LYST: variants seen among roughly 807,000 people sequenced by gnomAD.
LYST encodes lysosomal trafficking regulator.
LYST carries 192 observed loss-of-function variants against 413.6 expected under a neutral mutation model. The observed-to-expected ratio is 0.46, with a 90% CI of 0.41 to 0.52. The LOEUF (loss-of-function observed/expected upper bound fraction) is 0.52, where lower values mean the gene tolerates loss of function less well. Ranked by LOEUF, LYST falls within the 20% of genes least tolerant of loss-of-function variation. LYST has a pLI of 0.00. For missense variants in LYST, 3,815 were observed against 4,499.9 expected (o/e 0.85, Z 4.35); for synonymous variants, 1,525 against 1,567.3 (o/e 0.97, Z 0.64).
chr1:235,838,361 G>A (rs767173), intron 1 of LYST, among the ~76,000 whole-genome samples: 9,423 of 152,088 alleles, frequency 0.062, 976 homozygotes, highest in African/African-American at 0.22. Flanking sequence ...ATAGAATGGT[G>A]GACTGTCAAA....
chr1:235,861,539 T>C (rs1377867584), intron 1 of LYST, among the ~76,000 whole-genome samples: 1 of 152,202 alleles, frequency 6.6e-6, no homozygotes, highest in Non-Finnish European at 1.5e-5. Flanking sequence ...ATCTGACAGA[T>C]TTTTATACAT....
chr1:235,774,616 T>G (rs1358933987), intron 18 of LYST, among the ~76,000 whole-genome samples: 1 of 152,126 alleles, frequency 6.6e-6, no homozygotes, highest in African/African-American at 2.4e-5. Context: ...AAAGATCTCA[T>G]CAATCTACAG....
chr1:235,739,677 A>G (rs1021979822), intron 31 of LYST, among the ~76,000 whole-genome samples: 2 of 152,170 alleles, frequency 1.3e-5, no homozygotes, highest in Non-Finnish European at 2.9e-5. Flanking sequence ...TCCCTATAGT[A>G]AAGTCAGAGC....
At chr1:235,838,149 G>A (rs148659211) in intron 1 of LYST, among the ~76,000 whole-genome samples, 198 of 152,212 alleles carry the variant, frequency 1.3e-3, no homozygotes, top group Non-Finnish European at 2.3e-3. Context: ...CTATTTTCTT[G>A]GTGCAATAAA....
chr1:235,712,220 C>G, intron 42 of LYST, 23 bp from the exon 43 acceptor site: 2 of 1,525,308 alleles, frequency 1.3e-6, no homozygotes, highest in Non-Finnish European at 1.8e-6. Flanking sequence ...ACAAATAATA[C>G]GATTAAGACA....
intron 39 of LYST, among the ~76,000 whole-genome samples, chr1:235,722,847 G>A (rs1227955599): frequency 6.6e-6 from 1 of 152,168 alleles, no homozygotes; most frequent in Non-Finnish European, 1.5e-5. Flanking sequence ...CACAATTTTG[G>A]AGGTCAAAAA....
rs1669970987 is a variant in LYST at position 235,782,459 on chromosome 1, C to T, written c.4863-372G>A. On this transcript the variant is annotated intron_variant, in intron 14 of 52. Transcript: ENST00000389793. ...AAGTGCTGGGATTACAGGTGTGAGC[C>T]ACCACACCCGGCCTACAATGGGGAA... 2.0e-5 allele frequency among the ~76,000 whole-genome samples: 3 copies of T among 152,004 alleles called. No homozygotes were observed. The South Asian group carries it at 6.2e-4, about 31-fold the overall frequency.
chr1:235,882,340 G>A (rs1379838049), intron 1 of LYST, among the ~76,000 whole-genome samples: 1 of 152,244 alleles, frequency 6.6e-6, no homozygotes, highest in Non-Finnish European at 1.5e-5. Flanking sequence ...AGGTGATGAA[G>A]CTGCAATGGC....
chr1:235,744,325 T>C (rs570726373), intron 29 of LYST, among the ~76,000 whole-genome samples, 168 bp from the exon 30 acceptor site: 8 of 152,262 alleles, frequency 5.3e-5, no homozygotes, highest in South Asian at 4.1e-4. Context: ...TAGTAGAAAG[T>C]GAATTTACGT....
At chr1:235,831,048 T>C (rs1463332385) in intron 2 of LYST, among the ~76,000 whole-genome samples, 1 of 152,028 alleles carries the variant, frequency 6.6e-6, no homozygotes, top group Non-Finnish European at 1.5e-5. Flanking sequence ...CAGAGGAAAA[T>C]GTACAAATTT....
chr1:235,791,568 C>T (rs1160244586), intron 12 of LYST, 131 bp downstream of exon 12: 6 of 782,316 alleles, frequency 7.7e-6, no homozygotes, highest in Non-Finnish European at 1.3e-5. Context: ...GACCTACCAC[C>T]ACTAAGTAAG....
chr1:235,844,178 A>AAT (rs1677525755), intron 1 of LYST, among the ~76,000 whole-genome samples: 1 of 152,206 alleles, frequency 6.6e-6, no homozygotes, highest in African/African-American at 2.4e-5. Flanking sequence ...TCCAGAGTTT[A>AAT]ATATATATTG....
chr1:235,695,627 TAA>T (rs1491240082), intron 46 of LYST, among the ~76,000 whole-genome samples: 17 of 105,026 alleles, frequency 1.6e-4, no homozygotes, highest in African/African-American at 6.3e-4. Context: ...TACAGTACTC[TAA>T]TTTTTTTTTT....
Position 235,737,916 on chromosome 1 carries a change from A to AATGAGGAC in LYST, c.8359-3258_8359-3257insGTCCTCAT. 33 of 1,163,402 alleles carry AATGAGGAC rather than the reference A, an allele frequency of 2.8e-5. No individual in the cohort carries two copies. In the Admixed American group the frequency reaches 3.5e-4, roughly 12 times the overall value. 72.1% of individuals were successfully genotyped at this position (1,163,402 alleles called of 1,614,324 possible). ...GAAGGTGCTGGAGCCGCTGCCGACG[A>AATGAGGAC]GTCTGGATCTCACTGCCGCGTGCCC... On this transcript the variant is annotated intron_variant, in intron 31 of 52. Coordinates refer to ENST00000389793, the MANE Select transcript of LYST (RefSeq NM_000081.4).
At chr1:235,790,366 A>C (rs566222250) in intron 12 of LYST, among the ~76,000 whole-genome samples, 5 of 152,364 alleles carry the variant, frequency 3.3e-5, no homozygotes, top group Admixed American at 3.3e-4. Context: ...AAAAATACAG[A>C]TAGTATGAGC....
Position 235,805,834 on chromosome 1 carries a change from T to TTTATA in LYST, c.3301_3302insTATAA (p.Gln1101LeufsTer2). On this transcript the variant is annotated stop_gained and frameshift_variant, in exon 6 of 53. Transcript: ENST00000389793. LOFTEE classifies it high-confidence loss of function. The stretch of plus-strand genomic sequence containing the variant: ...AAGGGCTTCCAAAAGTCGTATACTT[T>TTTATA]GAAGTGAGGTCTCACTTTCTTGACT... 6.2e-7 allele frequency: 1 copy of TTTATA among 1,613,694 alleles called. No individual in the cohort carries two copies. Among genetic ancestry groups the TTTATA allele is most frequent in the Non-Finnish European group, 8.5e-7 (1 of 1,179,754 alleles).
intron 1 of LYST, among the ~76,000 whole-genome samples, chr1:235,862,848 C>CA (rs36022107): frequency 6.8e-6 from 1 of 146,392 alleles, no homozygotes; most frequent in Non-Finnish European, 1.5e-5. Context: ...CACACACACA[C>CA]CCCTTCAAGA....
At chr1:235,871,615 G>C (rs1680928677), upstream of LYST, among the ~76,000 whole-genome samples, 3 of 152,204 alleles carry the variant, frequency 2.0e-5, no homozygotes, top group South Asian at 6.2e-4. Context: ...ACAAGTCTTT[G>C]TAATAAAGTA....
chr1:235,770,799 T>C (rs1343237850), intron 19 of LYST, among the ~76,000 whole-genome samples: 2 of 152,200 alleles, frequency 1.3e-5, no homozygotes, highest in Non-Finnish European at 2.9e-5. Context: ...GTTCAAATAA[T>C]AGAATTATCT....
Sources: gnomAD v4.1 joint callset for allele counts (sites outside exome capture counted in the v4.1 genomes callset) on GRCh38, gnomAD v4.1.1 for gene constraint, MANE v1.5 for transcripts, NCBI Gene and HGNC (gene_info 2026-07-23, HGNC 2026-07-21) for gene names.